Variants in AUTS2 observed in about 807,000 individuals in gnomAD.
AUTS2 encodes autism susceptibility gene 2 protein.
A neutral mutation model predicts 112.4 loss-of-function variants in AUTS2; 17 were observed. The ratio of observed to expected loss-of-function variants is 0.15; its 90% CI spans 0.10 to 0.23. AUTS2 has a LOEUF of 0.23. AUTS2 is among the 10% of genes least tolerant of loss of function. The probability of loss-of-function intolerance (pLI) is 1.00; values close to 1 mark genes in which losing one functional copy is unlikely to be tolerated. For missense variants in AUTS2, 1,510 were observed against 1,701.6 expected (o/e 0.89, Z 1.98); for synonymous variants, 751 against 702.7 (o/e 1.07, Z -1.09).
intron 5 of AUTS2, among the ~76,000 whole-genome samples, chr7:70,512,236 G>A (rs758586160): frequency 1.2e-4 from 19 of 152,306 alleles, no homozygotes; most frequent in Admixed American, 2.6e-4. Context: ...TCCAGATGGC[G>A]CACATATCCA....
intron 1 of AUTS2, among the ~76,000 whole-genome samples, chr7:69,718,615 A>G (rs975795266): frequency 6.6e-6 from 1 of 152,202 alleles, no homozygotes; most frequent in Non-Finnish European, 1.5e-5. Context: ...ACAATCCAGG[A>G]TAATCCCCTT....
At chr7:70,690,396 A>C (rs1402999943) in intron 5 of AUTS2, among the ~76,000 whole-genome samples, 2 of 152,196 alleles carry the variant, frequency 1.3e-5, no homozygotes, top group Non-Finnish European at 2.9e-5. Context: ...TTAAAACTAC[A>C]TCATCCATAA....
intron 4 of AUTS2, among the ~76,000 whole-genome samples, chr7:70,207,195 C>G (rs770325572): frequency 6.6e-6 from 1 of 152,138 alleles, no homozygotes; most frequent in African/African-American, 2.4e-5. Flanking sequence ...TTTGGACTTT[C>G]TATAGGGTAA....
At chr7:70,785,869 C>A (rs1791427242) in intron 16 of AUTS2, 86 bp from the exon 17 acceptor site, 4 of 1,264,412 alleles carry the variant, frequency 3.2e-6, no homozygotes, top group Admixed American at 1.8e-5. Flanking sequence ...GGGCAGGGAT[C>A]CCGCATCGCC....
chr7:70,552,383 G>A (rs1233042318), intron 5 of AUTS2, among the ~76,000 whole-genome samples: 1 of 152,134 alleles, frequency 6.6e-6, no homozygotes, highest in Non-Finnish European at 1.5e-5. Context: ...TATACCATAT[G>A]TCTCTCCCTG....
intron 2 of AUTS2, among the ~76,000 whole-genome samples, chr7:69,964,657 T>G (rs1797564530): frequency 6.6e-6 from 1 of 151,930 alleles, no homozygotes. Context: ...GAATCTTTCA[T>G]TACCTTACTT....
chr7:70,772,618 C>T (rs957120865), intron 11 of AUTS2, among the ~76,000 whole-genome samples: 18 of 152,196 alleles, frequency 1.2e-4, no homozygotes, highest in Non-Finnish European at 1.8e-4. Context: ...TTTCCAAAGA[C>T]GTGTTTCATT....
rs1054251838 is a variant in AUTS2 at position 70,569,538 on chromosome 7, C to T, written c.691-129031C>T. Among the ~76,000 whole-genome samples, 9 of 152,348 alleles carry T rather than the reference C, an allele frequency of 5.9e-5. No individual in the cohort carries two copies. The South Asian group carries it at 1.9e-3, about 32-fold the overall frequency. ...AGCAAGACTGCTATTTATAGATTTACTTTCTGTCTCCCTAGTTCAGCACAG... is the reference window on the plus strand; with the variant it reads ...AGCAAGACTGCTATTTATAGATTTATTTTCTGTCTCCCTAGTTCAGCACAG... On this transcript the variant is annotated intron_variant, in intron 5 of 18. Transcript: ENST00000342771.
chr7:69,676,020 GA>G (rs1796549103), intron 1 of AUTS2, among the ~76,000 whole-genome samples: 1 of 152,182 alleles, frequency 6.6e-6, no homozygotes, highest in Non-Finnish European at 1.5e-5. Flanking sequence ...CAGGAAGACT[GA>G]AAGAGAAGGT....
chr7:70,278,629 ACATG>A (rs1275188691), intron 4 of AUTS2, among the ~76,000 whole-genome samples: 1 of 152,088 alleles, frequency 6.6e-6, no homozygotes, highest in African/African-American at 2.4e-5. Context: ...ATACATATGT[ACATG>A]CATACATACA....
chr7:70,762,572 GCTA>G (rs1162786198), intron 6 of AUTS2, among the ~76,000 whole-genome samples: 1 of 152,110 alleles, frequency 6.6e-6, no homozygotes, highest in African/African-American at 2.4e-5. Flanking sequence ...CTGGCGCTAG[GCTA>G]CTTTCTTGAA....
At chr7:70,029,961 C>T (rs908872538) in intron 2 of AUTS2, among the ~76,000 whole-genome samples, 1 of 152,182 alleles carries the variant, frequency 6.6e-6, no homozygotes, top group Non-Finnish European at 1.5e-5. Context: ...CTGTTTGTTG[C>T]AAAAGCTCCA....
intron 1 of AUTS2, among the ~76,000 whole-genome samples, chr7:69,833,520 C>T (rs1397853176): frequency 3.9e-5 from 6 of 152,142 alleles, no homozygotes; most frequent in East Asian, 3.9e-4. Flanking sequence ...ACTGCAACCT[C>T]GTCTCCTGGG....
intron 5 of AUTS2, among the ~76,000 whole-genome samples, chr7:70,468,583 A>T (rs1018096342): frequency 3.9e-5 from 6 of 152,200 alleles, no homozygotes; most frequent in African/African-American, 1.4e-4. Context: ...GTGGGACATC[A>T]GGAGAGAGGC....
rs1792196845 is a variant in AUTS2, at chr7:69,598,888, C to CT, written c.-764dup. 1.3e-5 allele frequency: 2 copies of CT among 153,760 alleles called. No individual in the cohort carries two copies. The highest frequency in any genetic ancestry group is 4.8e-5 in the African/African-American group (2 of 41,420). The allele number at this position is 153,760 out of a possible 1,614,324, so 9.5% of individuals were successfully genotyped here. A position where few individuals can be genotyped will look rare whatever the true frequency, so the allele number is the denominator to read the frequency against. ...CCACAACTGCTCCAGCAGCATCCTC[C>CT]TTCCCTTCCTCCGCCTCCCTTCTCC... is the stretch of plus-strand genomic sequence containing the variant. On this transcript the variant is annotated 5_prime_UTR_variant, in exon 1 of 19. Transcript: ENST00000342771.
At chr7:70,102,115 C>CTTTTTTTTTT (rs537710268) in intron 2 of AUTS2, among the ~76,000 whole-genome samples, 1 of 127,190 alleles carries the variant, frequency 7.9e-6, no homozygotes, top group Non-Finnish European at 1.7e-5. Context: ...GCAGTGTTTA[C>CTTTTTTTTTT]TTTTTTTTTT....
chr7:70,226,765 C>A (rs1811787331), intron 4 of AUTS2, among the ~76,000 whole-genome samples: 2 of 152,016 alleles, frequency 1.3e-5, no homozygotes, highest in African/African-American at 2.4e-5. Context: ...ATTTTTGCAA[C>A]TATATTGTTA....
chr7:69,670,843 G>T (rs966134225), intron 1 of AUTS2, among the ~76,000 whole-genome samples: 1 of 152,044 alleles, frequency 6.6e-6, no homozygotes, highest in African/African-American at 2.4e-5. Flanking sequence ...CTCCAGCCTG[G>T]GTGACTGATC....
At chr7:69,981,113 A>G (rs1385778712) in intron 2 of AUTS2, among the ~76,000 whole-genome samples, 1 of 152,228 alleles carries the variant, frequency 6.6e-6, no homozygotes, top group Non-Finnish European at 1.5e-5. Flanking sequence ...ATTTCTCTAG[A>G]AACAAAATCT....
Sources: gnomAD v4.1 joint callset for allele counts (sites outside exome capture counted in the v4.1 genomes callset) on GRCh38, gnomAD v4.1.1 for gene constraint, MANE v1.5 for transcripts, NCBI Gene and HGNC (gene_info 2026-07-23, HGNC 2026-07-21) for gene names.